Variants in RORA observed in about 807,000 individuals in gnomAD.
The protein encoded by RORA is RAR related orphan receptor A.
Under a neutral mutation model 69.5 loss-of-function variants are expected in RORA, and 7 were observed. That is an observed-to-expected ratio of 0.10 (90% confidence interval 0.06 to 0.19). The LOEUF (loss-of-function observed/expected upper bound fraction) is 0.19. RORA is among the 10% of genes least tolerant of loss of function. The pLI, the probability that RORA is intolerant of heterozygous loss-of-function variation, is 1.00. For missense variants in RORA, 457 were observed against 663.0 expected (o/e 0.69, Z 3.41); for synonymous variants, 261 against 240.8 (o/e 1.08, Z -0.78).
chr15:61,031,217 A>T (rs953983602), intron 1 of RORA, among the ~76,000 whole-genome samples: 6 of 152,198 alleles, frequency 3.9e-5, no homozygotes, highest in Non-Finnish European at 7.4e-5. Flanking sequence ...ATTCCTTTTG[A>T]ATACCAAATT....
At chr15:60,694,732 T>C (rs1439051584) in intron 1 of RORA, among the ~76,000 whole-genome samples, 1 of 152,196 alleles carries the variant, frequency 6.6e-6, no homozygotes, top group Non-Finnish European at 1.5e-5. Context: ...TCTTTGCTTT[T>C]CCCCACATAA....
chr15:60,514,114 A>G lies in RORA; in HGVS notation c.424+502T>C, dbSNP rs570671112. Among the ~76,000 whole-genome samples the G allele has an allele frequency of 6.6e-5, 10 of 152,284 alleles. 1 individual carries two copies. Among genetic ancestry groups the G allele is most frequent in the Admixed American group, 5.2e-4 (8 of 15,292 alleles). On this transcript the variant is annotated intron_variant, in intron 4 of 10. Coordinates refer to ENST00000335670, the MANE Select transcript of RORA (RefSeq NM_134261.3). Reference sequence around the variant, plus strand: ...TTGTCATTGAGCCATGCTTTGCACTATTTTCACACATTCTGTATGTACAAA... The same window carrying G: ...TTGTCATTGAGCCATGCTTTGCACTGTTTTCACACATTCTGTATGTACAAA...
chr15:60,588,347 T>C (rs1457823249), intron 2 of RORA, among the ~76,000 whole-genome samples: 1 of 152,186 alleles, frequency 6.6e-6, no homozygotes, highest in East Asian at 1.9e-4. Context: ...GACAGAGTAT[T>C]CTTAGGAAAT....
At chr15:60,823,072 C>T (rs954298874) in intron 1 of RORA, among the ~76,000 whole-genome samples, 1 of 136,054 alleles carries the variant, frequency 7.4e-6, no homozygotes, top group African/African-American at 2.8e-5. Flanking sequence ...CCCTCCCTCC[C>T]TTCCTTCCTT....
chr15:60,787,048 T>C (rs1394030822), intron 1 of RORA, among the ~76,000 whole-genome samples: 1 of 152,250 alleles, frequency 6.6e-6, no homozygotes, highest in Non-Finnish European at 1.5e-5. Context: ...GCTCTGAGAA[T>C]GTCATCCCAT....
chr15:60,790,904 C>A lies in RORA; in HGVS notation c.167-112218G>T, dbSNP rs111550208. On this transcript the variant is annotated intron_variant, in intron 1 of 10. Transcript: ENST00000335670. ...TACCACAGGTATTTTCCTTTCAACA[C>A]CATCATGGTAACGTTTTTCTCTTCA... is the stretch of plus-strand genomic sequence containing the variant. Among the ~76,000 whole-genome samples, 7 of 152,260 alleles carry A rather than the reference C, an allele frequency of 4.6e-5. 1 individual carries two copies. Among genetic ancestry groups the A allele is most frequent in the African/African-American group, 1.7e-4 (7 of 41,544 alleles).
At chr15:60,906,121 C>A (rs1373868393) in intron 1 of RORA, among the ~76,000 whole-genome samples, 1 of 152,164 alleles carries the variant, frequency 6.6e-6, no homozygotes, top group South Asian at 2.1e-4. Flanking sequence ...AATATATGAA[C>A]AAGCCTGCTA....
intron 1 of RORA, among the ~76,000 whole-genome samples, chr15:61,210,974 G>T (rs941133404): frequency 6.6e-6 from 1 of 152,252 alleles, no homozygotes; most frequent in Non-Finnish European, 1.5e-5. Flanking sequence ...TCAAGCCGGA[G>T]AACTCCCGAA....
chr15:60,614,910 G>C, intron 2 of RORA: 2 of 1,613,468 alleles, frequency 1.2e-6, no homozygotes, highest in South Asian at 1.1e-5. Context: ...TCAATGCAGG[G>C]AGCAGAAAAG....
chr15:61,170,957 C>G (rs936613520), intron 1 of RORA, among the ~76,000 whole-genome samples: 7 of 152,222 alleles, frequency 4.6e-5, no homozygotes, highest in Admixed American at 3.3e-4. Flanking sequence ...ATAGTCGTTT[C>G]TGGTAGATGT....
intron 1 of RORA, among the ~76,000 whole-genome samples, chr15:60,911,016 C>T (rs1371617131): frequency 6.9e-6 from 1 of 144,726 alleles, no homozygotes; most frequent in African/African-American, 2.6e-5. Context: ...GATTCTCCTG[C>T]TTTAGCTTCC....
intron 1 of RORA, among the ~76,000 whole-genome samples, chr15:61,021,606 C>T (rs1895527349): frequency 6.6e-6 from 1 of 152,234 alleles, no homozygotes; most frequent in African/African-American, 2.4e-5. Flanking sequence ...ACAACACTGC[C>T]TCTCAAGGAA....
intron 1 of RORA, among the ~76,000 whole-genome samples, chr15:61,183,971 G>C (rs185034479): frequency 6.6e-6 from 1 of 152,042 alleles, no homozygotes; most frequent in Admixed American, 6.5e-5. Context: ...ACACACCTCT[G>C]CCCTAACCCA....
chr15:61,129,463 T>C (rs1374982942), intron 1 of RORA, among the ~76,000 whole-genome samples: 1 of 152,034 alleles, frequency 6.6e-6, no homozygotes, highest in African/African-American at 2.4e-5. Context: ...TTATGGGGGA[T>C]GATCGCTTAA....
At chr15:60,790,564 A>G (rs549273306) in intron 1 of RORA, among the ~76,000 whole-genome samples, 1 of 152,220 alleles carries the variant, frequency 6.6e-6, no homozygotes, top group Non-Finnish European at 1.5e-5. Flanking sequence ...GGCTGTATAC[A>G]TATTTTAAAG....
At chr15:60,761,090 G>A (rs1161848404) in intron 1 of RORA, among the ~76,000 whole-genome samples, 5 of 152,152 alleles carry the variant, frequency 3.3e-5, no homozygotes, top group African/African-American at 1.2e-4. Context: ...AGATGAGCAG[G>A]AAAGGGAGGA....
intron 2 of RORA, among the ~76,000 whole-genome samples, chr15:60,641,971 C>T (rs1046536342): frequency 6.6e-6 from 1 of 152,194 alleles, no homozygotes; most frequent in Non-Finnish European, 1.5e-5. Context: ...CATTGCGATT[C>T]TCTGAGCAAA....
chr15:60,600,352 A>C (rs180871030), intron 2 of RORA, among the ~76,000 whole-genome samples: 6 of 152,328 alleles, frequency 3.9e-5, no homozygotes, highest in Admixed American at 1.3e-4. Flanking sequence ...AAAGTAATCA[A>C]TTATTCTGCA....
chr15:61,222,684 G>T (rs2080109183), intron 1 of RORA, among the ~76,000 whole-genome samples: 2 of 152,214 alleles, frequency 1.3e-5, no homozygotes, highest in South Asian at 2.1e-4. Context: ...ATTAAGTCAA[G>T]TGGGACATCC....
Sources: gnomAD v4.1 joint callset for allele counts (sites outside exome capture counted in the v4.1 genomes callset) on GRCh38, gnomAD v4.1.1 for gene constraint, MANE v1.5 for transcripts, NCBI Gene and HGNC (gene_info 2026-07-23, HGNC 2026-07-21) for gene names.